Variants in MORC1 observed in about 807,000 individuals in gnomAD.
MORC1 encodes the protein MORC family CW-type zinc finger 1.
MORC1 carries 59 observed loss-of-function variants against 134.9 expected under a neutral mutation model. The observed-to-expected ratio is 0.44, with a 90% CI of 0.35 to 0.54. The LOEUF is 0.54. Among genes scored for constraint, MORC1 ranks in the 20% least tolerant of loss-of-function variants. The probability of loss-of-function intolerance (pLI) is 0.00; values close to 1 mark genes in which losing one functional copy is unlikely to be tolerated. For synonymous variants in MORC1, 395 were observed against 391.7 expected, an observed-to-expected ratio of 1.01 and a Z score of -0.10; for missense variants, 947 against 1,134.5, an observed-to-expected ratio of 0.83 and a Z score of 2.37.
At chr3:108,970,028 G>T (rs980605826) in intron 25 of MORC1, among the ~76,000 whole-genome samples, 1 of 152,200 alleles carries the variant, frequency 6.6e-6, no homozygotes, top group African/African-American at 2.4e-5. Flanking sequence ...TTCAAAGGGA[G>T]ATGTCGAGAG....
intron 1 of MORC1, among the ~76,000 whole-genome samples, chr3:109,115,050 A>G (rs1951241076): frequency 6.6e-6 from 1 of 152,186 alleles, no homozygotes; most frequent in East Asian, 1.9e-4. Context: ...TATTTACAAC[A>G]GTTTGGAGGG....
intron 24 of MORC1, among the ~76,000 whole-genome samples, chr3:108,976,699 A>G (rs1039241077): frequency 5.3e-5 from 8 of 152,302 alleles, no homozygotes; most frequent in African/African-American, 1.9e-4. Context: ...TCACCATACA[A>G]AATTTAAGCT....
intron 12 of MORC1, among the ~76,000 whole-genome samples, 186 bp downstream of exon 12, chr3:109,059,620 C>T (rs913490826): frequency 3.9e-5 from 6 of 152,010 alleles, no homozygotes; most frequent in Non-Finnish European, 8.8e-5. Context: ...CAAATATATA[C>T]TTTATCAATG....
Sources: gnomAD v4.1 joint callset for allele counts (sites outside exome capture counted in the v4.1 genomes callset) on GRCh38, gnomAD v4.1.1 for gene constraint, MANE v1.5 for transcripts, NCBI Gene and HGNC (gene_info 2026-07-23, HGNC 2026-07-21) for gene names.